NTRK2: variants seen among roughly 807,000 people sequenced by gnomAD.
The protein encoded by NTRK2 is BDNF/NT-3 growth factors receptor.
In NTRK2, 13 loss-of-function variants were observed where a neutral mutation model predicts 94.5. The ratio of observed to expected loss-of-function variants is 0.14; its 90% confidence interval spans 0.09 to 0.22. The LOEUF is 0.22. NTRK2 is among the 10% of genes least tolerant of loss of function. NTRK2 has a pLI of 1.00. For missense variants in NTRK2, 639 were observed against 1,071.2 expected, an observed-to-expected ratio of 0.60 and a Z score of 5.63; for synonymous variants, 372 against 407.4, an observed-to-expected ratio of 0.91 and a Z score of 1.05.
chr9:84,875,111 T>G (rs2076015126), intron 14 of NTRK2: 1 of 1,060,366 alleles, frequency 9.4e-7, no homozygotes, highest in Non-Finnish European at 1.1e-6. Context: ...GGCTTTCTAG[T>G]CTTGTGGATA....
intron 12 of NTRK2, among the ~76,000 whole-genome samples, chr9:84,858,225 A>G (rs1326827371): frequency 1.3e-5 from 2 of 151,474 alleles, no homozygotes; most frequent in Non-Finnish European, 2.9e-5. Context: ...TCCTTAACCA[A>G]TCTCTTGCCT....
chr9:84,932,921 A>G (rs2078088357), intron 14 of NTRK2, among the ~76,000 whole-genome samples: 1 of 152,210 alleles, frequency 6.6e-6, no homozygotes, highest in Non-Finnish European at 1.5e-5. Context: ...TACAGTTTAC[A>G]ATTGAAAAGA....
At chr9:84,728,353 G>A (rs1002716487) in intron 9 of NTRK2, among the ~76,000 whole-genome samples, 7 of 152,148 alleles carry the variant, frequency 4.6e-5, no homozygotes, top group African/African-American at 1.7e-4. Flanking sequence ...TCCCAAGAAG[G>A]TGATGAGGAA....
intron 14 of NTRK2, among the ~76,000 whole-genome samples, chr9:84,907,511 A>G (rs2077106956): frequency 6.6e-6 from 1 of 152,200 alleles, no homozygotes; most frequent in Non-Finnish European, 1.5e-5. Flanking sequence ...CAAAATGTGG[A>G]ACAAAAAACA....
At chr9:84,874,251 C>T in intron 14 of NTRK2, 1 of 1,065,488 alleles carries the variant, frequency 9.4e-7, no homozygotes. Context: ...GCTCCTGCTA[C>T]CCAGGTGCTT....
chr9:85,002,683 C>G (rs1011131361), intron 17 of NTRK2, among the ~76,000 whole-genome samples: 1 of 152,152 alleles, frequency 6.6e-6, no homozygotes, highest in Non-Finnish European at 1.5e-5. Flanking sequence ...AGCATATATA[C>G]TTCTTGTTAT....
Position 84,761,584 on chromosome 9 carries a change from A to G in NTRK2, c.1396+9499A>G, listed in dbSNP as rs571601267. 4.9e-4 allele frequency among the ~76,000 whole-genome samples: 75 copies of G among 152,312 alleles called. 1 individual carries two copies. The highest frequency in any genetic ancestry group is 1.8e-3 in the African/African-American group (73 of 41,566). On this transcript the variant is annotated intron_variant, in intron 12 of 18. Transcript: ENST00000277120. ...TATATACAATCACACACTCACTACAAAAGTCTGCCCTGCACTTCTGGTGAG... is the reference window on the plus strand; with the variant it reads ...TATATACAATCACACACTCACTACAGAAGTCTGCCCTGCACTTCTGGTGAG...
intron 17 of NTRK2, among the ~76,000 whole-genome samples, chr9:84,976,563 A>G (rs1334091085): frequency 1.3e-5 from 2 of 152,194 alleles, no homozygotes; most frequent in African/African-American, 4.8e-5. Flanking sequence ...ACTTACCACA[A>G]GATTTTAAAG....
At chr9:84,944,857 C>T (rs1313890300) in intron 15 of NTRK2, among the ~76,000 whole-genome samples, 5 of 152,238 alleles carry the variant, frequency 3.3e-5, no homozygotes, top group Non-Finnish European at 5.9e-5. Context: ...TCCCTCTCTA[C>T]CAAGGAAAAC....
In NTRK2 at chr9:84,875,684, G is replaced by A. The variant is rs183282012; in HGVS notation, c.1633+8253G>A. ...TGTGCAAGGACCTCTGATAGCTGGA[G>A]TCTCCTTTTGGTCACTCCCAGCTTT... On this transcript the variant is annotated intron_variant, in intron 14 of 18. Transcript: ENST00000277120. The A allele has an allele frequency of 1.8e-4, 187 of 1,054,430 alleles. No homozygotes were observed. The African/African-American group carries it at 3.0e-3, about 17-fold the overall frequency. The allele number at this position is 1,054,430 out of a possible 1,614,324, so 65.3% of individuals were successfully genotyped here.
intron 12 of NTRK2, chr9:84,812,846 G>A (rs201373947): frequency 2.9e-6 from 3 of 1,035,500 alleles, no homozygotes; most frequent in Non-Finnish European, 2.3e-6. Context: ...GGAGAGAAGT[G>A]GACAGATAAG....
chr9:84,676,988 T>C (rs1378155543), intron 2 of NTRK2, among the ~76,000 whole-genome samples: 1 of 151,470 alleles, frequency 6.6e-6, no homozygotes, highest in Non-Finnish European at 1.5e-5. Context: ...TGTGTTAAAT[T>C]TGAAGTGTTC....
At chr9:84,959,293 GT>G (rs1039831131) in intron 17 of NTRK2, among the ~76,000 whole-genome samples, 34 of 152,002 alleles carry the variant, frequency 2.2e-4, no homozygotes, top group African/African-American at 8.2e-4. Context: ...TTTTTTGTTT[GT>G]TTTTGGTTTT....
chr9:84,740,876 C>T (rs969513349), intron 9 of NTRK2, among the ~76,000 whole-genome samples: 5 of 152,112 alleles, frequency 3.3e-5, no homozygotes, highest in African/African-American at 7.2e-5. Context: ...TGGCTCATTT[C>T]GCTTTACTTT....
chr9:84,864,099 G>A (rs2075459153), intron 13 of NTRK2, among the ~76,000 whole-genome samples: 1 of 152,106 alleles, frequency 6.6e-6, no homozygotes, highest in Non-Finnish European at 1.5e-5. Flanking sequence ...TCTGAATTTG[G>A]GAATCTCAAG....
intron 16 of NTRK2, 95 bp downstream of exon 16, chr9:84,948,729 C>A: frequency 1.8e-6 from 2 of 1,103,826 alleles, no homozygotes; most frequent in South Asian, 2.8e-5. Context: ...ACCCCTGGAC[C>A]TTTCTCGAAG....
chr9:84,989,413 C>T (rs1320232049), intron 17 of NTRK2, among the ~76,000 whole-genome samples: 4 of 152,054 alleles, frequency 2.6e-5, no homozygotes, highest in Non-Finnish European at 4.4e-5. Flanking sequence ...TACTTCCATC[C>T]TTATCTGGTC....
intron 14 of NTRK2, chr9:84,877,922 G>A (rs200264820): frequency 1.7e-5 from 17 of 1,016,704 alleles, no homozygotes; most frequent in Middle Eastern, 9.4e-4. Context: ...GCCTACTTTC[G>A]TCACCTGCTA....
At chr9:84,710,577 C>G (rs2061365912) in intron 5 of NTRK2, 60 bp from the exon 6 acceptor site, 7 of 1,555,024 alleles carry the variant, frequency 4.5e-6, no homozygotes, top group Non-Finnish European at 6.2e-6. Context: ...ATTTTACAAG[C>G]ACTAATGTAG....
Sources: gnomAD v4.1 joint callset for allele counts (sites outside exome capture counted in the v4.1 genomes callset) on GRCh38, gnomAD v4.1.1 for gene constraint, MANE v1.5 for transcripts, NCBI Gene and HGNC (gene_info 2026-07-23, HGNC 2026-07-21) for gene names.